Variants in ZCCHC9 observed in about 807,000 individuals in gnomAD.
ZCCHC9 encodes the protein zinc finger CCHC domain-containing protein 9.
Under a neutral mutation model 30.8 loss-of-function variants are expected in ZCCHC9, and 18 were observed. The observed-to-expected ratio is 0.58, with a 90% CI of 0.40 to 0.87. ZCCHC9 has a LOEUF of 0.87. Ranked by LOEUF, ZCCHC9 falls within the 40% of genes least tolerant of loss-of-function variation. The pLI, the probability that ZCCHC9 is intolerant of heterozygous loss-of-function variation, is 0.00. For missense variants in ZCCHC9, 279 were observed against 331.2 expected, an observed-to-expected ratio of 0.84 and a Z score of 1.22; for synonymous variants, 94 against 106.7, an observed-to-expected ratio of 0.88 and a Z score of 0.73.
At chr5:81,303,439 C>T in intron 1 of ZCCHC9, 1 of 152,120 alleles carries the variant, frequency 6.6e-6, no homozygotes, top group South Asian at 2.1e-4. Context: ...ATAGCTTTTT[C>T]CTGTAAAAAT....
chr5:81,308,923 A>G, intron 3 of ZCCHC9, 23 bp from the exon 4 acceptor site: 1 of 1,599,638 alleles, frequency 6.3e-7, no homozygotes, highest in South Asian at 1.1e-5. Context: ...TGTCAACTGA[A>G]TAGGAACTGT....
At chr5:81,309,073 G>T in intron 4 of ZCCHC9, 35 bp downstream of exon 4, 1 of 1,481,524 alleles carries the variant, frequency 6.7e-7, no homozygotes, top group Non-Finnish European at 9.2e-7. Flanking sequence ...CAGAAATGGT[G>T]AGTCATCGTG....
At chr5:81,305,165 T>C in intron 2 of ZCCHC9, 24 bp downstream of exon 2, 4 of 1,550,336 alleles carry the variant, frequency 2.6e-6, no homozygotes, top group Non-Finnish European at 3.5e-6. Flanking sequence ...TTCTACCATG[T>C]TATTTACTTT....
At chr5:81,311,895 G>A (rs1450991086) in intron 5 of ZCCHC9, among the ~76,000 whole-genome samples, 1 of 152,160 alleles carries the variant, frequency 6.6e-6, no homozygotes, top group Non-Finnish European at 1.5e-5. Flanking sequence ...GTGAAGGAAA[G>A]CAAGAAGACA....
At chr5:81,308,746 G>A (rs1758171462) in intron 3 of ZCCHC9, 35 bp downstream of exon 3, 1 of 1,586,566 alleles carries the variant, frequency 6.3e-7, no homozygotes. Flanking sequence ...TTTTGTTCAT[G>A]GGGAAAGCCA....
intron 2 of ZCCHC9, among the ~76,000 whole-genome samples, chr5:81,307,270 G>T (rs533648815): frequency 1.3e-5 from 2 of 152,274 alleles, no homozygotes; most frequent in South Asian, 4.1e-4. Flanking sequence ...CCATTGCTCA[G>T]TTTTATGTTG....
At position 81,312,726 on chromosome 5, in the gene ZCCHC9, G is replaced by C; in HGVS notation, c.*64G>C. 2 of 1,241,382 alleles carry C rather than the reference G, an allele frequency of 1.6e-6. No homozygotes were observed. Among genetic ancestry groups the C allele is most frequent in the Non-Finnish European group, 2.3e-6 (2 of 853,708 alleles). 76.9% of individuals were successfully genotyped at this position (1,241,382 alleles called of 1,614,324 possible). ...ACTTTCTAAACCAGGCCCGCTTCAC[G>C]AGTTAGAGTTGAGCTCCCCTGTAGC... On this transcript the variant is annotated 3_prime_UTR_variant, in exon 6 of 6. Coordinates refer to ENST00000407610, the MANE Select transcript of ZCCHC9 (RefSeq NM_001131035.2).
chr5:81,309,851 A>G (rs1405616284), intron 4 of ZCCHC9, among the ~76,000 whole-genome samples: 2 of 152,200 alleles, frequency 1.3e-5, no homozygotes, highest in Non-Finnish European at 2.9e-5. Flanking sequence ...GGAAATCAGA[A>G]TGTATCTTAC....
chr5:81,304,529 TA>T (rs1300411196), intron 1 of ZCCHC9: 1 of 375,478 alleles, frequency 2.7e-6, no homozygotes, highest in African/African-American at 2.1e-5. Context: ...GCTTTTCTGG[TA>T]AGTGGTAGAT....
At chr5:81,309,963 A>G (rs1290577905) in intron 4 of ZCCHC9, among the ~76,000 whole-genome samples, 1 of 152,098 alleles carries the variant, frequency 6.6e-6, no homozygotes, top group Non-Finnish European at 1.5e-5. Flanking sequence ...TTGATGAATT[A>G]TGGTATTTGC....
intron 2 of ZCCHC9, among the ~76,000 whole-genome samples, chr5:81,308,022 A>ATCTATCTATCT (rs571429540): frequency 1.7e-3 from 115 of 68,364 alleles, no homozygotes; most frequent in Non-Finnish European, 1.9e-3. Flanking sequence ...AAAAAAAAAA[A>ATCTATCTATCT]ATCTATCTAT....
intron 4 of ZCCHC9, among the ~76,000 whole-genome samples, chr5:81,309,419 C>T (rs1758200645): frequency 1.3e-5 from 2 of 152,180 alleles, no homozygotes; most frequent in South Asian, 4.1e-4. Context: ...GGGGTGGGTA[C>T]AGATGATTCA....
chr5:81,304,819 G>A lies in ZCCHC9; in HGVS notation c.62G>A (p.Trp21Ter). The A allele has an allele frequency of 6.2e-7, 1 of 1,613,630 alleles. No individual in the cohort carries two copies. The highest frequency in any genetic ancestry group is 8.5e-7 in the Non-Finnish European group (1 of 1,179,910). ...YNKRPLPATSWEDMKKGSFEG... is the reference protein window; with the variant it reads ...YNKRPLPATS ...AAGAGACCCTTGCCTGCAACATCATGGGAGGACATGAAGAAGGGATCCTTT... is the reference window on the plus strand; with the variant it reads ...AAGAGACCCTTGCCTGCAACATCATAGGAGGACATGAAGAAGGGATCCTTT... Residue 21 changes from tryptophan to a stop codon, truncating the protein, a stop_gained, in exon 2 of 6, where the codon TGG (tryptophan) becomes TAG (stop). Transcript: ENST00000407610. LOFTEE classifies it high-confidence loss of function.
At chr5:81,310,949 CT>C (rs1182369527) in intron 4 of ZCCHC9, among the ~76,000 whole-genome samples, 1 of 152,188 alleles carries the variant, frequency 6.6e-6, no homozygotes, top group Non-Finnish European at 1.5e-5. Flanking sequence ...GAACAAGTGC[CT>C]TCCATCATAT....
chr5:81,312,536 C>T lies in ZCCHC9; in HGVS notation c.698-8C>T. On this transcript the variant is annotated splice_region_variant and splice_polypyrimidine_tract_variant and intron_variant, in intron 5 of 5. Transcript: ENST00000407610. The stretch of plus-strand genomic sequence containing the variant: ...TTCTAACATTCTGATTTTTCTATTC[C>T]TTTACAGAGCGAATGGTCACAGTTG... 3 of 1,604,666 alleles carry T rather than the reference C, an allele frequency of 1.9e-6. No homozygotes were observed. The highest frequency in any genetic ancestry group is 2.6e-6 in the Non-Finnish European group (3 of 1,174,196).
At chr5:81,308,186 GAC>G (rs1000839735) in intron 2 of ZCCHC9, among the ~76,000 whole-genome samples, 8 of 152,064 alleles carry the variant, frequency 5.3e-5, no homozygotes, top group African/African-American at 1.9e-4. Flanking sequence ...AATTTTGAGT[GAC>G]AGTTTTTATA....
chr5:81,306,219 A>G (rs1758079013), intron 2 of ZCCHC9, among the ~76,000 whole-genome samples: 1 of 152,210 alleles, frequency 6.6e-6, no homozygotes, highest in South Asian at 2.1e-4. Context: ...ATTTTTTATT[A>G]GTATTACTAT....
At chr5:81,306,664 C>G (rs2112871050) in intron 2 of ZCCHC9, among the ~76,000 whole-genome samples, 1 of 151,372 alleles carries the variant, frequency 6.6e-6, no homozygotes, top group East Asian at 1.9e-4. Context: ...TTTTTAATAC[C>G]TTATACTAAG....
chr5:81,304,800 C>A lies in ZCCHC9; in HGVS notation c.43C>A (p.Pro15Thr). The change falls in exon 2 of 6, where the codon CCC (proline) becomes ACC (threonine). Residue 15 changes from proline to threonine, a missense_variant. Physicochemically the swap from Pro to Thr is conservative, Grantham distance 38. Transcript: ENST00000407610. Reference protein sequence around the residue: ...ARVSTTYNKRPLPATSWEDMK... With the variant: ...ARVSTTYNKRTLPATSWEDMK... ...AGTTAGTACCACATATAACAAGAGA[C>A]CCTTGCCTGCAACATCATGGGAGGA... 1 of 1,611,464 alleles carries A rather than the reference C, an allele frequency of 6.2e-7. No individual in the cohort carries two copies. Among genetic ancestry groups the A allele is most frequent in the Non-Finnish European group, 8.5e-7 (1 of 1,179,278 alleles).
Sources: gnomAD v4.1 joint callset for allele counts (sites outside exome capture counted in the v4.1 genomes callset) on GRCh38, gnomAD v4.1.1 for gene constraint, MANE v1.5 for transcripts, NCBI Gene and HGNC (gene_info 2026-07-23, HGNC 2026-07-21) for gene names.